The following TTC34 variants were observed in gnomAD, a reference collection of about 807,000 sequenced individuals.
TTC34 encodes tetratricopeptide repeat protein 34.
A neutral mutation model predicts 40.7 loss-of-function variants in TTC34; 44 were observed. The observed-to-expected ratio is 1.08, with a 90% CI of 0.85 to 1.39. TTC34 has a LOEUF of 1.39. Among genes scored for constraint, TTC34 ranks in the 40% most tolerant of loss-of-function variants. The pLI, the probability that TTC34 is intolerant of heterozygous loss-of-function variation, is 0.00. For missense variants in TTC34, 884 were observed against 838.0 expected (o/e 1.05, Z -0.68); for synonymous variants, 422 against 398.6 (o/e 1.06, Z -0.70).
chr1:2,773,657 AC>A (rs1642721627), intron 6 of TTC34: 2 of 109,064 alleles, frequency 1.8e-5, no homozygotes, highest in African/African-American at 3.9e-5. Context: ...CTGCACCCAT[AC>A]CCCCAGGTGA....
intron 6 of TTC34, among the ~76,000 whole-genome samples, chr1:2,782,655 G>A (rs1643504137): frequency 6.6e-6 from 1 of 152,182 alleles, no homozygotes; most frequent in Non-Finnish European, 1.5e-5. Context: ...TGCTTTCCCT[G>A]TGTCTCATAA....
At chr1:2,757,786 C>A (rs1641555392) in intron 6 of TTC34, among the ~76,000 whole-genome samples, 2 of 147,976 alleles carry the variant, frequency 1.4e-5, no homozygotes, top group South Asian at 4.2e-4. Flanking sequence ...GGAGCAGCAC[C>A]CACACCTTCC....
intron 6 of TTC34, among the ~76,000 whole-genome samples, chr1:2,691,888 G>A (rs533998114): frequency 1.7e-5 from 1 of 58,896 alleles, no homozygotes; most frequent in Non-Finnish European, 3.9e-5. Context: ...CCGACAGCCA[G>A]GAGCAGCAAC....
chr1:2,687,035 C>T lies in TTC34; in HGVS notation c.2227-41472G>A, dbSNP rs536066825. Among the ~76,000 whole-genome samples the T allele has an allele frequency of 8.0e-5, 12 of 149,616 alleles. No individual in the cohort carries two copies. In the South Asian group the frequency reaches 2.5e-3, roughly 32 times the overall value. Reference sequence around the variant, plus strand: ...GTGAGCATTCGACAGCCTGGAGCAGCACCCACAACCCCAGGCGTGCATCCG... The same window carrying T: ...GTGAGCATTCGACAGCCTGGAGCAGTACCCACAACCCCAGGCGTGCATCCG... On this transcript the variant is annotated intron_variant, in intron 6 of 8. Coordinates refer to ENST00000401095, the Ensembl canonical transcript of TTC34.
At chr1:2,693,482 C>T (rs1282695815) in intron 6 of TTC34, among the ~76,000 whole-genome samples, 53 of 23,778 alleles carry the variant, frequency 2.2e-3, no homozygotes, top group South Asian at 3.5e-3. Flanking sequence ...AGTGAGCATC[C>T]GACAGCCTGG....
chr1:2,647,333 G>GT (rs1351519792), intron 6 of TTC34, among the ~76,000 whole-genome samples: 7 of 152,100 alleles, frequency 4.6e-5, no homozygotes, highest in African/African-American at 1.7e-4. Flanking sequence ...ATTTTTAAAA[G>GT]TTTTTTAGAG....
intron 6 of TTC34, among the ~76,000 whole-genome samples, chr1:2,747,553 C>CAA (rs1569680472): frequency 1.1e-5 from 1 of 88,112 alleles, no homozygotes; most frequent in East Asian, 4.2e-4. Context: ...ACAGAAACCC[C>CAA]ACCCTCAGGT....
chr1:2,685,482 CA>C (rs1640291573), intron 6 of TTC34, among the ~76,000 whole-genome samples: 2 of 133,956 alleles, frequency 1.5e-5, no homozygotes, highest in African/African-American at 3.3e-5. Context: ...CCCACACCCC[CA>C]GGTGAGCATC....
chr1:2,749,118 A>C, intron 6 of TTC34, among the ~76,000 whole-genome samples: 1 of 140,740 alleles, frequency 7.1e-6, no homozygotes, highest in Non-Finnish European at 1.5e-5. Flanking sequence ...AGCAGCACCC[A>C]CACCCCCAGG....
At chr1:2,751,878 C>T (rs71249976) in intron 6 of TTC34, among the ~76,000 whole-genome samples, 1,981 of 117,990 alleles carry the variant, frequency 0.017, 229 homozygotes, top group Middle Eastern at 0.029. Context: ...CAGCCTGGAG[C>T]AGCACCCACA....
At position 2,698,575 on chromosome 1, in the gene TTC34, T is replaced by A. The variant is rs867905359; in HGVS notation, c.2227-53012A>T. ...CTGGAGCAGCACCCACACCCCCAGA[T>A]GAGCATCTGACAGCCTGGAACAGCA... On this transcript the variant is annotated intron_variant, in intron 6 of 8. Transcript: ENST00000401095. Among the ~76,000 whole-genome samples the A allele has an allele frequency of 1.5e-4, 2 of 13,350 alleles. 1 individual carries two copies. Among genetic ancestry groups the A allele is most frequent in the Non-Finnish European group, 4.2e-4 (2 of 4,712 alleles). 8.8% of individuals were successfully genotyped at this position (13,350 alleles called of 152,430 possible).
chr1:2,684,874 A>G (rs1640252295), intron 6 of TTC34, among the ~76,000 whole-genome samples: 1 of 112,196 alleles, frequency 8.9e-6, no homozygotes, highest in East Asian at 2.9e-4. Flanking sequence ...AGCAGCACCC[A>G]CACCCCAGGT....
intron 6 of TTC34, among the ~76,000 whole-genome samples, chr1:2,654,113 T>G (rs1249223243): frequency 3.3e-3 from 337 of 103,350 alleles, no homozygotes; most frequent in East Asian, 0.011. Flanking sequence ...TCTGACAACC[T>G]GGAGCAGCAC....
At chr1:2,694,806 C>G (rs796346462) in intron 6 of TTC34, among the ~76,000 whole-genome samples, 2 of 71,766 alleles carry the variant, frequency 2.8e-5, no homozygotes, top group African/African-American at 4.6e-5. Context: ...AGGCGAGCAT[C>G]TGACAGCCTG....
At chr1:2,651,787 C>G (rs780563824) in intron 6 of TTC34, among the ~76,000 whole-genome samples, 2 of 151,956 alleles carry the variant, frequency 1.3e-5, no homozygotes, top group East Asian at 1.9e-4. Context: ...ATCTGACAGC[C>G]GGAAAAACAC....
chr1:2,780,063 G>C (rs1367272543), intron 6 of TTC34, among the ~76,000 whole-genome samples: 1 of 152,150 alleles, frequency 6.6e-6, no homozygotes, highest in Non-Finnish European at 1.5e-5. Flanking sequence ...GCAGTGAGCT[G>C]AGATCCCGCC....
chr1:2,688,522 T>A (rs1243123840), intron 6 of TTC34, among the ~76,000 whole-genome samples: 1 of 87,380 alleles, frequency 1.1e-5, no homozygotes, highest in Non-Finnish European at 2.1e-5. Context: ...CCTGTAACAG[T>A]ACCCACACCC....
intron 6 of TTC34, among the ~76,000 whole-genome samples, chr1:2,760,284 C>A (rs1380334495): frequency 1.9e-5 from 1 of 52,610 alleles, no homozygotes; most frequent in Non-Finnish European, 3.2e-5. Context: ...AGCCACAACT[C>A]CAGGCGAGCA....
rs1430855587 is a variant in TTC34, at chr1:2,752,130, C to T, written c.2226+31479G>A. The stretch of plus-strand genomic sequence containing the variant: ...GGACAGCCTGGAGCAACACCCACGC[C>T]CCCAGGTGCGCATGTGATGGTCTGG... On this transcript the variant is annotated intron_variant, in intron 6 of 8. Transcript: ENST00000401095. Among the ~76,000 whole-genome samples the T allele has an allele frequency of 7.1e-5, 8 of 112,250 alleles. 1 individual carries two copies. Among genetic ancestry groups the T allele is most frequent in the Non-Finnish European group, 1.2e-4 (7 of 56,986 alleles). The allele number at this position is 112,250 out of a possible 152,430, so 73.6% of individuals were successfully genotyped here. A position where few individuals can be genotyped will look rare whatever the true frequency, so the allele number is the denominator to read the frequency against.
Sources: allele counts gnomAD v4.1 joint callset (sites outside exome capture counted in the v4.1 genomes callset), GRCh38; gene constraint gnomAD v4.1.1; transcripts MANE v1.5; gene names NCBI Gene and HGNC (gene_info 2026-07-23, HGNC 2026-07-21).